FBXO4: variants seen among roughly 807,000 people sequenced by gnomAD.
The protein encoded by FBXO4 is F-box only protein 4.
FBXO4 carries 36 observed loss-of-function variants against 43.7 expected under a neutral mutation model. The observed-to-expected ratio is 0.82, with a 90% CI of 0.63 to 1.09. The LOEUF (loss-of-function observed/expected upper bound fraction) is 1.09. Ranked by LOEUF, FBXO4 falls within the 50% of genes least tolerant of loss-of-function variation. The probability of loss-of-function intolerance (pLI) is 0.00; values close to 1 mark genes in which losing one functional copy is unlikely to be tolerated. For synonymous variants in FBXO4, 180 were observed against 165.6 expected, an observed-to-expected ratio of 1.09 and a Z score of -0.67; for missense variants, 435 against 474.1, an observed-to-expected ratio of 0.92 and a Z score of 0.77.
the FBXO4 span, among the ~76,000 whole-genome samples, chr5:41,958,748 A>G: frequency 7.2e-5 from 11 of 152,216 alleles, no homozygotes; most frequent in Non-Finnish European, 1.5e-4. Context: ...CAAAGAATGG[A>G]ACAGTATTCC....
chr5:41,942,257 A>T (rs145836970), downstream of FBXO4, among the ~76,000 whole-genome samples: 1 of 152,110 alleles, frequency 6.6e-6, no homozygotes, highest in Non-Finnish European at 1.5e-5. Context: ...AGAAAGACCT[A>T]TGAACATATG....
the FBXO4 span, among the ~76,000 whole-genome samples, chr5:41,954,404 C>T: frequency 6.6e-6 from 1 of 152,112 alleles, no homozygotes; most frequent in African/African-American, 2.4e-5. Context: ...CCTTTTTCTA[C>T]TTCATTGTTA....
the FBXO4 span, among the ~76,000 whole-genome samples, chr5:42,025,426 T>A: frequency 2.0e-3 from 310 of 152,144 alleles, no homozygotes; most frequent in Non-Finnish European, 3.5e-3. Context: ...GAGCTCATTA[T>A]ATATTCTGGT....
the FBXO4 span, among the ~76,000 whole-genome samples, chr5:42,022,326 G>A: frequency 6.6e-6 from 1 of 152,114 alleles, no homozygotes; most frequent in Non-Finnish European, 1.5e-5. Context: ...ATTGGGCAAA[G>A]CAAATACCCT....
At chr5:41,989,209 A>C in the FBXO4 span, among the ~76,000 whole-genome samples, 1 of 152,200 alleles carries the variant, frequency 6.6e-6, no homozygotes, top group Non-Finnish European at 1.5e-5. Context: ...TAAATTAATT[A>C]GATATTATCA....
chr5:41,992,681 T>C, the FBXO4 span, among the ~76,000 whole-genome samples: 1 of 152,240 alleles, frequency 6.6e-6, no homozygotes, highest in African/African-American at 2.4e-5. Flanking sequence ...GGAGATATTT[T>C]TAGATTTGAA....
At chr5:41,951,083 G>T in the FBXO4 span, among the ~76,000 whole-genome samples, 1 of 152,040 alleles carries the variant, frequency 6.6e-6, no homozygotes, top group African/African-American at 2.4e-5. Flanking sequence ...GCTAAGGGAG[G>T]GATAGCATTA....
At chr5:42,036,487 G>T in the FBXO4 span, among the ~76,000 whole-genome samples, 11 of 152,122 alleles carry the variant, frequency 7.2e-5, no homozygotes, top group Non-Finnish European at 1.5e-4. Flanking sequence ...AAAACGGGTC[G>T]TTAGCTCTTG....
At chr5:41,984,120 A>T in the FBXO4 span, among the ~76,000 whole-genome samples, 1 of 152,164 alleles carries the variant, frequency 6.6e-6, no homozygotes, top group Non-Finnish European at 1.5e-5. Context: ...ATTAGATAAT[A>T]TGAGGTTACT....
chr5:41,974,790 GTGTGTGTATGCA>G, the FBXO4 span, among the ~76,000 whole-genome samples: 15 of 152,118 alleles, frequency 9.9e-5, no homozygotes, highest in Middle Eastern at 3.2e-3. Flanking sequence ...TTGCTTGGTA[GTGTGTGTATGCA>G]TGTGTGTTTT....
the FBXO4 span, among the ~76,000 whole-genome samples, chr5:42,025,237 TATAAGCC>T: frequency 6.6e-6 from 1 of 152,062 alleles, no homozygotes; most frequent in Non-Finnish European, 1.5e-5. Flanking sequence ...GTCTTTTGGA[TATAAGCC>T]ATTTTAACTG....
At chr5:42,023,043 A>G in the FBXO4 span, among the ~76,000 whole-genome samples, 25 of 152,206 alleles carry the variant, frequency 1.6e-4, no homozygotes, top group African/African-American at 5.5e-4. Context: ...ATAAAGAACA[A>G]TGTTCTTATC....
At chr5:41,962,490 T>C in the FBXO4 span, among the ~76,000 whole-genome samples, 1 of 152,182 alleles carries the variant, frequency 6.6e-6, no homozygotes, top group African/African-American at 2.4e-5. Context: ...GGAGAGTTTA[T>C]CTTAGCTTTC....
At chr5:41,963,876 A>C in the FBXO4 span, 1 of 152,178 alleles carries the variant, frequency 6.6e-6, no homozygotes, top group Non-Finnish European at 1.5e-5. Flanking sequence ...TTTAAAGGCT[A>C]GTCAACTGAA....
chr5:41,942,851 A>G (rs377132719), downstream of FBXO4, among the ~76,000 whole-genome samples: 30 of 152,226 alleles, frequency 2.0e-4, 1 homozygote, highest in South Asian at 6.0e-3. Context: ...AGCCATTTGC[A>G]TTTTAGATGT....
chr5:41,997,309 G>C, the FBXO4 span, among the ~76,000 whole-genome samples: 1 of 152,206 alleles, frequency 6.6e-6, no homozygotes, highest in African/African-American at 2.4e-5. Flanking sequence ...GGCCAAATGA[G>C]AGAATTGAAT....
the FBXO4 span, among the ~76,000 whole-genome samples, chr5:41,981,268 C>T: frequency 1.3e-5 from 2 of 151,974 alleles, no homozygotes; most frequent in East Asian, 1.9e-4. Context: ...TGATTTGAGG[C>T]TATTAGTTAA....
chr5:41,967,531 T>G, the FBXO4 span: 1 of 940,352 alleles, frequency 1.1e-6, no homozygotes, highest in Non-Finnish European at 1.7e-6. Flanking sequence ...CTCCGTGACG[T>G]TCATGCACCC....
the FBXO4 span, among the ~76,000 whole-genome samples, chr5:42,010,284 G>C: frequency 6.6e-6 from 1 of 152,116 alleles, no homozygotes; most frequent in Admixed American, 6.5e-5. Context: ...TGGATCACTA[G>C]GTCAGGAGTA....
Sources: allele counts gnomAD v4.1 joint callset (sites outside exome capture counted in the v4.1 genomes callset), GRCh38; gene constraint gnomAD v4.1.1; transcripts MANE v1.5; gene names NCBI Gene and HGNC (gene_info 2026-07-23, HGNC 2026-07-21).